The following SNRPA variants were observed in gnomAD, a reference collection of about 807,000 sequenced individuals.
SNRPA encodes U1 small nuclear ribonucleoprotein A.
A neutral mutation model predicts 24.5 loss-of-function variants in SNRPA; 10 were observed. The ratio of observed to expected loss-of-function variants is 0.41; its 90% CI spans 0.25 to 0.69. The LOEUF is 0.69. Ranked by LOEUF, SNRPA falls within the 30% of genes least tolerant of loss-of-function variation. SNRPA has a pLI of 0.33. For missense variants in SNRPA, 283 were observed against 394.7 expected, an observed-to-expected ratio of 0.72 and a Z score of 2.40; for synonymous variants, 165 against 148.4, an observed-to-expected ratio of 1.11 and a Z score of -0.81.
rs542547484 is a variant in SNRPA, at chr19:40,757,450, C to T, written c.192C>T (p.Ser64=). 30 of 1,614,026 alleles carry T rather than the reference C, an allele frequency of 1.9e-5. No individual in the cohort carries two copies. The highest frequency in any genetic ancestry group is 4.4e-5 in the South Asian group (4 of 91,072). The change falls in exon 2 of 6, where the codon AGC becomes AGT. Residue 64 remains serine, a synonymous_variant. Coordinates refer to ENST00000243563, the MANE Select transcript of SNRPA (RefSeq NM_004596.5). ...TTGTCATCTTCAAGGAGGTCAGCAG[C>T]GCCACCAACGCCCTGCGCTCCATGC... is the stretch of plus-strand genomic sequence containing the variant. ...QAFVIFKEVS[S]ATNALRSMQG... is the part of the protein sequence containing the mutation.
Position 40,763,576 on chromosome 19 carries a change from T to C in SNRPA, c.601-11T>C, listed in dbSNP as rs2249854. ...GCTCTTGTGCTCACCGACTCCCCTA[T>C]ACCCCCGCAGCTTTCTGAGAATCCA... is the stretch of plus-strand genomic sequence containing the variant. On this transcript the variant is annotated splice_polypyrimidine_tract_variant and intron_variant, in intron 4 of 5. Coordinates refer to ENST00000243563, the MANE Select transcript of SNRPA (RefSeq NM_004596.5). 136,117 of 1,612,994 alleles carry C rather than the reference T, an allele frequency of 0.084. 7,317 individuals carry two copies. The highest frequency in any genetic ancestry group is 0.23 in the African/African-American group (17,458 of 74,918).
chr19:40,753,379 CAT>C (rs1166664946), intron 1 of SNRPA, among the ~76,000 whole-genome samples: 15 of 87,026 alleles, frequency 1.7e-4, no homozygotes, highest in South Asian at 9.6e-4. Flanking sequence ...GTAAATTTTG[CAT>C]ATGTTTTTTT....
rs764901735 is a variant in SNRPA at position 40,751,382 on chromosome 19, T to C, written c.-27T>C. 1 of 1,587,428 alleles carries C rather than the reference T, an allele frequency of 6.3e-7. No homozygotes were observed. The highest frequency in any genetic ancestry group is 1.7e-5 in the Admixed American group (1 of 59,992). On this transcript the variant is annotated 5_prime_UTR_variant, in exon 1 of 6. Coordinates refer to ENST00000243563, the MANE Select transcript of SNRPA (RefSeq NM_004596.5). ...GGGCTAAAGTCACGTTTTTCCTCCT[T>C]TAAGACTTACCTCAACACTTCACTC... is the stretch of plus-strand genomic sequence containing the variant.
Position 40,751,420 on chromosome 19 carries a change from C to G in SNRPA, c.12C>G (p.Pro4=). The change falls in exon 1 of 6, where the codon CCC becomes CCG. Residue 4 remains proline (P), a synonymous_variant. Transcript: ENST00000243563. ...CAACACTTCACTCCATGGCAGTTCC[C>G]GAGACCCGCCCTAACCACACTATTT... The part of the protein sequence containing the change: MAV[P]ETRPNHTIYI... 2 of 1,613,196 alleles carry G rather than the reference C, an allele frequency of 1.2e-6. No homozygotes were observed. Among genetic ancestry groups the G allele is most frequent in the Non-Finnish European group, 1.7e-6 (2 of 1,179,250 alleles).
rs2082912798 is a variant in SNRPA at position 40,757,352 on chromosome 19, GCCAT to G, written c.96_99del (p.Ile33SerfsTer16). On this transcript the variant is annotated frameshift_variant, in exon 2 of 6. Transcript: ENST00000243563. LOFTEE classifies it high-confidence loss of function. ...TGCAGAGCTAAAAAAGTCCCTGTAC[GCCAT>G]CTTCTCCCAGTTTGGCCAGATCCTG... 1 of 1,613,966 alleles carries G rather than the reference GCCAT, an allele frequency of 6.2e-7. No individual in the cohort carries two copies. The highest frequency in any genetic ancestry group is 8.5e-7 in the Non-Finnish European group (1 of 1,179,970).
intron 1 of SNRPA, among the ~76,000 whole-genome samples, chr19:40,754,643 G>C (rs553649145): frequency 1.3e-5 from 2 of 152,194 alleles, no homozygotes; most frequent in African/African-American, 4.8e-5. Flanking sequence ...GGTCAAAAGA[G>C]CCTGGCGTAT....
At chr19:40,758,489 G>A (rs778845657) in intron 2 of SNRPA, among the ~76,000 whole-genome samples, 1 of 152,062 alleles carries the variant, frequency 6.6e-6, no homozygotes, top group Non-Finnish European at 1.5e-5. Context: ...TTGTCTCCTC[G>A]GTCCTTTGGC....
intron 1 of SNRPA, among the ~76,000 whole-genome samples, chr19:40,756,354 C>A (rs555955332): frequency 6.6e-6 from 1 of 151,670 alleles, no homozygotes; most frequent in East Asian, 1.9e-4. Flanking sequence ...CCAGCACTTT[C>A]GGAGGCCAAG....
chr19:40,764,674 A>G (rs904201293), intron 5 of SNRPA, among the ~76,000 whole-genome samples: 2 of 152,198 alleles, frequency 1.3e-5, no homozygotes, highest in African/African-American at 4.8e-5. Context: ...TAAAAATACA[A>G]GAATAAAAAT....
At chr19:40,753,082 C>T (rs1336416865) in intron 1 of SNRPA, among the ~76,000 whole-genome samples, 2 of 152,130 alleles carry the variant, frequency 1.3e-5, no homozygotes, top group African/African-American at 4.8e-5. Flanking sequence ...AGCAGCCGGG[C>T]ACTGGCTCAC....
chr19:40,755,249 TTTC>T (rs1172171963), intron 1 of SNRPA, among the ~76,000 whole-genome samples: 2 of 146,504 alleles, frequency 1.4e-5, no homozygotes, highest in Non-Finnish European at 3.0e-5. Context: ...GCTAATTTTT[TTTC>T]TTTTCTTTTT....
Position 40,751,455 on chromosome 19 carries a change from A to C in SNRPA, c.47A>C (p.Asn16Thr), listed in dbSNP as rs761336247. Residue 16 changes from asparagine to threonine, a missense_variant, in exon 1 of 6, where the codon AAC becomes ACC. By Grantham distance (65) the Asn-to-Thr change is moderately conservative. Transcript: ENST00000243563. ...TRPNHTIYIN[N>T]LNEKIKKDEL... ...CCTAACCACACTATTTATATCAACAACCTCAATGAGAAGATCAAGAAGGAT... is the reference window on the plus strand; with the variant it reads ...CCTAACCACACTATTTATATCAACACCCTCAATGAGAAGATCAAGAAGGAT... The C allele has an allele frequency of 6.2e-7, 1 of 1,612,370 alleles. No homozygotes were observed. The highest frequency in any genetic ancestry group is 1.7e-5 in the Admixed American group (1 of 59,888).
chr19:40,751,452 A>G lies in SNRPA; in HGVS notation c.44A>G (p.Asn15Ser). ...CGCCCTAACCACACTATTTATATCA[A>G]CAACCTCAATGAGAAGATCAAGAAG... ...ETRPNHTIYI[N>S]NLNEKIKKDE... Residue 15 changes from asparagine to serine, a missense_variant, in exon 1 of 6, where the codon AAC becomes AGC. By Grantham distance (46) the Asn-to-Ser change is conservative. Transcript: ENST00000243563. 2 of 1,613,412 alleles carry G rather than the reference A, an allele frequency of 1.2e-6. No homozygotes were observed. Among genetic ancestry groups the G allele is most frequent in the Non-Finnish European group, 1.7e-6 (2 of 1,179,550 alleles).
chr19:40,754,523 C>A (rs559084491), intron 1 of SNRPA, among the ~76,000 whole-genome samples: 1 of 152,254 alleles, frequency 6.6e-6, no homozygotes, highest in Non-Finnish European at 1.5e-5. Context: ...CATTCAGCTT[C>A]CAGGAAAAGG....
chr19:40,759,565 C>G lies in SNRPA; in HGVS notation c.381C>G (p.Gly127=), dbSNP rs374319458. ...ETPATKKAVQ[G]GGATPVVGAV... ...CGGCCACCAAGAAGGCTGTGCAAGGCGGGGGAGCCACCCCCGTGGTGGGGG... is the reference window on the plus strand; with the variant it reads ...CGGCCACCAAGAAGGCTGTGCAAGGGGGGGGAGCCACCCCCGTGGTGGGGG... The change falls in exon 3 of 6, where the codon GGC becomes GGG. Residue 127 remains glycine, a synonymous_variant. Coordinates refer to ENST00000243563, the MANE Select transcript of SNRPA (RefSeq NM_004596.5). 1.2e-6 allele frequency: 2 copies of G among 1,613,492 alleles called. No homozygotes were observed. Among genetic ancestry groups the G allele is most frequent in the Non-Finnish European group, 1.7e-6 (2 of 1,179,884 alleles).
At chr19:40,755,280 T>G (rs1296094040) in intron 1 of SNRPA, among the ~76,000 whole-genome samples, 2 of 133,138 alleles carry the variant, frequency 1.5e-5, no homozygotes, top group Non-Finnish European at 3.2e-5. Context: ...TTTTTTTTTT[T>G]TGGCATTTTT....
intron 1 of SNRPA, among the ~76,000 whole-genome samples, chr19:40,755,745 C>A (rs2082906033): frequency 6.6e-6 from 1 of 152,134 alleles, no homozygotes; most frequent in Non-Finnish European, 1.5e-5. Context: ...GGGAGTCCAT[C>A]CTTGTTGAGC....
rs375770634 is a variant in SNRPA, at chr19:40,763,685, G to A, written c.689+10G>A. ...CCATGCTTTTCAATCAGTAAGTGGG[G>A]CCTGTGGCTGGGTGGTCCCTGGAGG... On this transcript the variant is annotated intron_variant, in intron 5 of 5. Transcript: ENST00000243563. 6.2e-7 allele frequency: 1 copy of A among 1,610,834 alleles called. No homozygotes were observed. Among genetic ancestry groups the A allele is most frequent in the African/African-American group, 1.3e-5 (1 of 74,836 alleles).
chr19:40,763,251 G>T, intron 4 of SNRPA, 177 bp downstream of exon 4: 1 of 601,844 alleles, frequency 1.7e-6, no homozygotes, highest in Non-Finnish European at 2.9e-6. Context: ...TTGGCATGCT[G>T]GTTGGAGGGT....
Sources: allele counts gnomAD v4.1 joint callset (sites outside exome capture counted in the v4.1 genomes callset), GRCh38; gene constraint gnomAD v4.1.1; transcripts MANE v1.5; gene names NCBI Gene and HGNC (gene_info 2026-07-23, HGNC 2026-07-21).